GPHN: variants seen among roughly 807,000 people sequenced by gnomAD.
GPHN encodes the protein gephyrin.
In GPHN, 17 loss-of-function variants were observed where a neutral mutation model predicts 95.5. The observed-to-expected ratio is 0.18, with a 90% confidence interval of 0.12 to 0.27. The LOEUF (loss-of-function observed/expected upper bound fraction) is 0.27, where lower values mean the gene tolerates loss of function less well. Among genes scored for constraint, GPHN ranks in the 10% least tolerant of loss-of-function variants. The pLI is 1.00. For synonymous variants in GPHN, 320 were observed against 322.5 expected, an observed-to-expected ratio of 0.99 and a Z score of 0.08; for missense variants, 660 against 978.1, an observed-to-expected ratio of 0.67 and a Z score of 4.34.
the GPHN span, chr14:67,569,256 G>T: frequency 7.1e-7 from 1 of 1,399,824 alleles, no homozygotes. Flanking sequence ...AAACACCCAA[G>T]GTGGGCAGGG....
chr14:67,595,381 T>C, the GPHN span, among the ~76,000 whole-genome samples: 2 of 152,190 alleles, frequency 1.3e-5, no homozygotes, highest in African/African-American at 4.8e-5. Flanking sequence ...AAATCCTAAG[T>C]CAAACCATCG....
chr14:67,002,557 A>T (rs763869585), intron 9 of GPHN, among the ~76,000 whole-genome samples: 1 of 151,280 alleles, frequency 6.6e-6, no homozygotes, highest in Non-Finnish European at 1.5e-5. Flanking sequence ...TCAATTTAAC[A>T]TACTGTTTAA....
chr14:66,718,143 T>C (rs930151176), intron 2 of GPHN, among the ~76,000 whole-genome samples: 3 of 152,082 alleles, frequency 2.0e-5, no homozygotes, highest in Non-Finnish European at 4.4e-5. Flanking sequence ...TTCCAGTGGG[T>C]TCTTGGTCTC....
chr14:66,641,108 A>C (rs2064376492), intron 1 of GPHN, among the ~76,000 whole-genome samples: 1 of 152,220 alleles, frequency 6.6e-6, no homozygotes, highest in Admixed American at 6.5e-5. Context: ...ATATCCAATA[A>C]GGTAGACTAT....
At chr14:67,266,268 A>G in the GPHN span, among the ~76,000 whole-genome samples, 1 of 152,188 alleles carries the variant, frequency 6.6e-6, no homozygotes, top group Admixed American at 6.5e-5. Context: ...ATTTTTGTTT[A>G]GGTTGTGCCT....
intron 9 of GPHN, among the ~76,000 whole-genome samples, chr14:66,976,225 T>G (rs2070210853): frequency 6.6e-6 from 1 of 152,186 alleles, no homozygotes; most frequent in African/African-American, 2.4e-5. Flanking sequence ...TCTCTCGATA[T>G]CCACTCTAGT....
chr14:67,225,000 A>C, the GPHN span: 6 of 787,228 alleles, frequency 7.6e-6, no homozygotes, highest in East Asian at 8.6e-5. Flanking sequence ...TATTCAAAAT[A>C]AGCTCTTTCT....
At chr14:67,382,685 A>G in the GPHN span, 2 of 1,422,292 alleles carry the variant, frequency 1.4e-6, no homozygotes, top group Non-Finnish European at 2.0e-6. Flanking sequence ...GGAATGTCAT[A>G]TTGTAGGATG....
intron 1 of GPHN, among the ~76,000 whole-genome samples, chr14:66,522,005 C>T (rs1301095114): frequency 1.3e-5 from 2 of 152,052 alleles, no homozygotes; most frequent in East Asian, 3.9e-4. Flanking sequence ...TCTTCTTTCT[C>T]CTGCTTCTGC....
chr14:67,264,204 T>A, the GPHN span, among the ~76,000 whole-genome samples: 5 of 152,372 alleles, frequency 3.3e-5, no homozygotes, highest in Non-Finnish European at 5.9e-5. Context: ...ATACTGTTTT[T>A]TAAAACCTGT....
At chr14:67,491,323 G>A in the GPHN span, among the ~76,000 whole-genome samples, 3 of 152,164 alleles carry the variant, frequency 2.0e-5, no homozygotes, top group Non-Finnish European at 4.4e-5. Context: ...GAGTTTTTAT[G>A]TAGCTTGATC....
chr14:67,692,645 A>C, the GPHN span: 1 of 1,506,912 alleles, frequency 6.6e-7, no homozygotes, highest in Non-Finnish European at 8.9e-7. Flanking sequence ...TTGAGCTGGC[A>C]TTATAAATCT....
At chr14:67,699,241 G>A in the GPHN span, among the ~76,000 whole-genome samples, 3 of 150,312 alleles carry the variant, frequency 2.0e-5, no homozygotes, top group East Asian at 3.9e-4. Flanking sequence ...CGACAAGAGC[G>A]AGACTCTATC....
chr14:66,545,495 C>G (rs1201766365), intron 1 of GPHN, among the ~76,000 whole-genome samples: 3 of 128,454 alleles, frequency 2.3e-5, no homozygotes, highest in African/African-American at 1.1e-4. Flanking sequence ...GACGGGGCGG[C>G]TGGCCGGGCG....
chr14:67,286,619 G>A, the GPHN span, among the ~76,000 whole-genome samples: 2 of 151,914 alleles, frequency 1.3e-5, no homozygotes, highest in African/African-American at 4.8e-5. Context: ...ACTTTGGGAG[G>A]CCGAGGTGGG....
At chr14:66,522,247 T>G (rs1344832551) in intron 1 of GPHN, among the ~76,000 whole-genome samples, 1 of 152,212 alleles carries the variant, frequency 6.6e-6, no homozygotes, top group African/African-American at 2.4e-5. Context: ...TACCCATTTT[T>G]TAAAGAGCCC....
At chr14:66,890,368 C>T (rs187746462) in intron 5 of GPHN, among the ~76,000 whole-genome samples, 388 of 146,486 alleles carry the variant, frequency 2.6e-3, no homozygotes, top group African/African-American at 7.9e-3. Flanking sequence ...CCTGATCATG[C>T]GCACTGCGCT....
At chr14:67,656,303 G>T in the GPHN span, 12 of 962,924 alleles carry the variant, frequency 1.2e-5, no homozygotes, top group Non-Finnish European at 1.7e-5. Context: ...ACTTAAAAAA[G>T]ACTATTCCCT....
intron 1 of GPHN, among the ~76,000 whole-genome samples, chr14:66,515,735 G>A (rs2058214422): frequency 6.6e-6 from 1 of 152,142 alleles, no homozygotes; most frequent in South Asian, 2.1e-4. Context: ...GTTAATGTGA[G>A]AAATGAAATA....
Sources: allele counts gnomAD v4.1 joint callset (sites outside exome capture counted in the v4.1 genomes callset), GRCh38; gene constraint gnomAD v4.1.1; transcripts MANE v1.5; gene names NCBI Gene and HGNC (gene_info 2026-07-23, HGNC 2026-07-21).